GTPBP6: variants seen among roughly 807,000 people sequenced by gnomAD.
The protein encoded by GTPBP6 is putative GTP-binding protein 6.
A neutral mutation model predicts 28.9 loss-of-function variants in GTPBP6; 33 were observed. The ratio of observed to expected loss-of-function variants is 1.14; its 90% CI spans 0.87 to 1.53. The LOEUF (loss-of-function observed/expected upper bound fraction) is 1.53, where lower values mean the gene tolerates loss of function less well. GTPBP6 is among the 40% of genes most tolerant of loss of function. The pLI is 0.00. For synonymous variants in GTPBP6, 231 were observed against 192.7 expected (o/e 1.20, Z -1.65); for missense variants, 507 against 408.3 (o/e 1.24, Z -2.08).
intron 9 of GTPBP6, among the ~76,000 whole-genome samples, chrX:306,067 G>C (rs1262289009): frequency 1.3e-5 from 2 of 152,232 alleles, no homozygotes; most frequent in African/African-American, 4.8e-5. Context: ...TCCAGCTGGA[G>C]CTTGCTTTCT....
At position 316,363 on chromosome X, in the gene GTPBP6, ACAG is replaced by A. The variant is rs1293274590; in HGVS notation, c.487+548_487+550del. ...GGGACACACACACACACACACACAC[ACAG>A]GGTGAACACATCCCAGCAGGGGTGA... On this transcript the variant is annotated intron_variant, in intron 2 of 9. Coordinates refer to ENST00000326153, the Ensembl canonical transcript of GTPBP6. Among the ~76,000 whole-genome samples the A allele has an allele frequency of 2.6e-5, 4 of 151,106 alleles. No homozygotes were observed. The East Asian group carries it at 7.7e-4, about 29-fold the overall frequency.
intron 9 of GTPBP6, among the ~76,000 whole-genome samples, chrX:305,399 G>A (rs1237921857): frequency 6.8e-6 from 1 of 147,886 alleles, no homozygotes; most frequent in Non-Finnish European, 1.5e-5. Flanking sequence ...TCAGCTCACT[G>A]CAAGCTCCAC....
chrX:305,816 G>A (rs1294284638), intron 9 of GTPBP6, among the ~76,000 whole-genome samples: 1 of 151,702 alleles, frequency 6.6e-6, no homozygotes, highest in Non-Finnish European at 1.5e-5. Context: ...ATTAGAGACG[G>A]GGTTTCACCG....
chrX:307,865 C>A lies in GTPBP6; in HGVS notation c.1141G>T (p.Val381Leu), dbSNP rs140747801. 6.4e-4 allele frequency: 977 copies of A among 1,533,778 alleles called. 3 individuals carry two copies. The African/African-American group carries it at 0.011, about 18-fold the overall frequency. ...GCCTCGGGGTGGCTGACGTCCCTCA[C>A]GTGCAAGATGAGATCCTGTGGGCCG... is the stretch of plus-strand genomic sequence containing the variant. Residue 381 changes from valine (V) to leucine (L), a missense_variant, in exon 8 of 10, where the codon GTG (valine) becomes TTG (leucine). By Grantham distance (32) the Val-to-Leu change is conservative (BLOSUM62 1). Transcript: ENST00000326153.
chrX:311,834 G>C (rs916629649), intron 6 of GTPBP6: 2 of 608,718 alleles, frequency 3.3e-6, no homozygotes, highest in Non-Finnish European at 5.8e-6. Flanking sequence ...ATGGAGCGGG[G>C]CCGCCGTGCG....
chrX:311,100 C>T (rs1340189350), intron 7 of GTPBP6, among the ~76,000 whole-genome samples: 2 of 151,458 alleles, frequency 1.3e-5, no homozygotes, highest in Admixed American at 6.6e-5. Context: ...CTGGGGCAAC[C>T]GCTCAGCCTC....
Position 315,746 on chromosome X carries a change from C to G in GTPBP6, c.488-447G>C, listed in dbSNP as rs1378712550. On this transcript the variant is annotated intron_variant, in intron 2 of 9. Transcript: ENST00000326153. ...ACAGGGACAGACACACACACAGACA[C>G]ATACACAGAGACACACACAAACACA... 3.6e-4 allele frequency among the ~76,000 whole-genome samples: 10 copies of G among 27,976 alleles called. 4 individuals carry two copies. The highest frequency in any genetic ancestry group is 1.2e-3 in the African/African-American group (10 of 8,006). The allele number at this position is 27,976 out of a possible 152,430, so 18.4% of individuals were successfully genotyped here.
chrX:306,357 G>T (rs1320696177), intron 9 of GTPBP6, among the ~76,000 whole-genome samples: 6 of 150,764 alleles, frequency 4.0e-5, no homozygotes, highest in Admixed American at 1.3e-4. Context: ...TGTATGCACA[G>T]AAATGTACAT....
intron 5 of GTPBP6, among the ~76,000 whole-genome samples, chrX:313,226 C>T (rs2070351945): frequency 6.6e-6 from 1 of 152,346 alleles, no homozygotes; most frequent in African/African-American, 2.4e-5. Context: ...CGGCCCAGGA[C>T]GTCATCGTGA....
chrX:305,328 T>G (rs1402371746), intron 9 of GTPBP6, 131 bp from the exon 10 acceptor site: 8 of 741,466 alleles, frequency 1.1e-5, no homozygotes, highest in Non-Finnish European at 1.8e-5. Context: ...CCTTTTGTTT[T>G]TTTTTTTTTT....
At chrX:312,743 C>G in intron 6 of GTPBP6, 23 bp downstream of exon 6, 1 of 1,591,968 alleles carries the variant, frequency 6.3e-7, no homozygotes, top group Non-Finnish European at 8.5e-7. Context: ...CGCGGAAGGC[C>G]CCTCCCCTGG....
At chrX:307,295 C>A in intron 9 of GTPBP6, 65 bp downstream of exon 9, 1 of 1,513,256 alleles carries the variant, frequency 6.6e-7, no homozygotes, top group Non-Finnish European at 9.1e-7. Context: ...ACGAAGAGCC[C>A]GTTTCAGAGC....
At chrX:305,109 C>A (rs1472335864) in exon 10 of GTPBP6, 1 of 1,613,450 alleles carries the variant, frequency 6.2e-7, no homozygotes, top group Admixed American at 1.7e-5. Context: ...TTGCCGTAGG[C>A]TGAGTTGCTG....
chrX:304,901 C>T lies in GTPBP6; in HGVS notation c.*173G>A, dbSNP rs1029690542. ...CGGCCCGCTTTGGGGCAGGTGCGGCCGTGTCACCGGCCTGCACGGTCATCC... is the reference window on the plus strand; with the variant it reads ...CGGCCCGCTTTGGGGCAGGTGCGGCTGTGTCACCGGCCTGCACGGTCATCC... On this transcript the variant is annotated 3_prime_UTR_variant, in exon 10 of 10. Coordinates refer to ENST00000326153, the Ensembl canonical transcript of GTPBP6. 1.5e-5 allele frequency: 21 copies of T among 1,445,952 alleles called. No homozygotes were observed. The African/African-American group carries it at 2.0e-4, about 14-fold the overall frequency. The allele number at this position is 1,445,952 out of a possible 1,614,324, so 89.6% of individuals were successfully genotyped here.
intron 9 of GTPBP6, 147 bp from the exon 10 acceptor site, chrX:305,344 C>G: frequency 1.6e-6 from 1 of 645,156 alleles, no homozygotes; most frequent in Non-Finnish European, 2.6e-6. Context: ...TTTTTTGAGA[C>G]GGAGTCTCAC....
At chrX:314,955 G>T in exon 4 of GTPBP6, 1 of 398,768 alleles carries the variant, frequency 2.5e-6, no homozygotes, top group Non-Finnish European at 4.4e-6. Context: ...CGTTACAGCG[G>T]AAGATGTGCA....
exon 7 of GTPBP6, chrX:311,579 G>A: frequency 6.2e-7 from 1 of 1,612,334 alleles, no homozygotes; most frequent in Admixed American, 1.7e-5. Flanking sequence ...CTGGTCCCGT[G>A]GCTGGATGGC....
chrX:315,567 C>G (rs2070415698), intron 2 of GTPBP6, among the ~76,000 whole-genome samples: 3 of 149,306 alleles, frequency 2.0e-5, no homozygotes, highest in Admixed American at 6.6e-5. Context: ...CACACACACA[C>G]ACACACACAC....
At chrX:312,712 C>A in intron 6 of GTPBP6, 54 bp downstream of exon 6, 3 of 1,534,380 alleles carry the variant, frequency 2.0e-6, no homozygotes, top group Non-Finnish European at 2.6e-6. Context: ...CCGGGCGAGT[C>A]CTCACCGGTG....
Sources: allele counts gnomAD v4.1 joint callset (sites outside exome capture counted in the v4.1 genomes callset), GRCh38; gene constraint gnomAD v4.1.1; transcripts MANE v1.5; gene names NCBI Gene and HGNC (gene_info 2026-07-23, HGNC 2026-07-21).